Variants in ANK1 observed in about 807,000 individuals in gnomAD.
ANK1 encodes the protein ankyrin 1.
In ANK1, 51 loss-of-function variants were observed where a neutral mutation model predicts 210.4. The observed-to-expected ratio is 0.24, with a 90% CI of 0.19 to 0.31. The LOEUF (loss-of-function observed/expected upper bound fraction) is 0.31, where lower values mean the gene tolerates loss of function less well. ANK1 is among the 10% of genes least tolerant of loss of function. ANK1 has a pLI of 1.00. For synonymous variants in ANK1, 967 were observed against 1,025.9 expected, an observed-to-expected ratio of 0.94 and a Z score of 1.10; for missense variants, 2,051 against 2,504.4, an observed-to-expected ratio of 0.82 and a Z score of 3.86.
chr8:41,834,200 G>T (rs1005328630), intron 1 of ANK1, among the ~76,000 whole-genome samples: 13 of 152,228 alleles, frequency 8.5e-5, no homozygotes, highest in South Asian at 2.1e-4. Flanking sequence ...GGCTGTTCAG[G>T]AGGCTGTCCA....
intron 1 of ANK1, among the ~76,000 whole-genome samples, chr8:41,813,700 A>T (rs554360404): frequency 3.0e-4 from 46 of 152,360 alleles, no homozygotes; most frequent in Middle Eastern, 6.8e-3. Flanking sequence ...TATTAAGGTT[A>T]GGAAGCCAAG....
intron 23 of ANK1, 116 bp downstream of exon 23, chr8:41,699,336 C>T (rs146099681): frequency 5.8e-4 from 550 of 954,182 alleles, no homozygotes; most frequent in African/African-American, 3.8e-3. Context: ...TCTCTCTCTG[C>T]GGGCAGCGAG....
chr8:41,769,977 CTTTTTT>C (rs59542968), intron 1 of ANK1, among the ~76,000 whole-genome samples: 13 of 86,652 alleles, frequency 1.5e-4, no homozygotes, highest in Admixed American at 1.4e-3. Context: ...TTTCTTTTTT[CTTTTTT>C]TTTTTTTTTT....
rs76313699 is a variant in ANK1, at chr8:41,792,455, G to C, written c.27+5057C>G. On this transcript the variant is annotated intron_variant, in intron 1 of 42. Transcript: ENST00000289734. ...GCCAAAGCTCACGATCTGGGCAAGC[G>C]AAGGAGAAGCAGGAGCTCAGACTCA... 1.0e-3 allele frequency among the ~76,000 whole-genome samples: 152 copies of C among 152,344 alleles called. 1 individual carries two copies. In the East Asian group the frequency reaches 0.028, roughly 28 times the overall value.
chr8:41,765,324 A>G (rs1469681642), intron 1 of ANK1, among the ~76,000 whole-genome samples: 2 of 151,578 alleles, frequency 1.3e-5, no homozygotes, highest in East Asian at 3.9e-4. Flanking sequence ...CTGCAGCCTC[A>G]AAGTCCTGGG....
chr8:41,704,258 T>G lies in ANK1; in HGVS notation c.2196+116A>C, dbSNP rs1232871755. ...CATTAATGAAATGCATTTTCCCCCT[T>G]TCTTCCTTCAGGGTCCATGGTCAAA... On this transcript the variant is annotated intron_variant, in intron 19 of 42. Coordinates refer to ENST00000289734, the MANE Select transcript of ANK1 (RefSeq NM_000037.4). The surrounding 1 kb of genome is among the most constrained non-coding windows in gnomAD (Gnocchi z 4.1). 1.5e-6 allele frequency: 2 copies of G among 1,377,944 alleles called. No individual in the cohort carries two copies. Among genetic ancestry groups the G allele is most frequent in the African/African-American group, 1.4e-5 (1 of 70,138 alleles). 85.4% of individuals were successfully genotyped at this position (1,377,944 alleles called of 1,614,324 possible).
Position 41,733,958 on chromosome 8 carries a change from C to T in ANK1, c.228+13G>A. On this transcript the variant is annotated intron_variant, in intron 3 of 42. Coordinates refer to ENST00000289734, the MANE Select transcript of ANK1 (RefSeq NM_000037.4). The stretch of plus-strand genomic sequence containing the variant: ...TTTCAATGCAAAGCTCCCCCACTCC[C>T]TGTGAGACATACCTTGGTTGTCGTT... The T allele has an allele frequency of 1.2e-6, 2 of 1,612,804 alleles. No homozygotes were observed. Among genetic ancestry groups the T allele is most frequent in the Non-Finnish European group, 1.7e-6 (2 of 1,178,774 alleles).
At chr8:41,667,870 C>T (rs1030544223) in intron 39 of ANK1, among the ~76,000 whole-genome samples, 1 of 152,208 alleles carries the variant, frequency 6.6e-6, no homozygotes, top group Admixed American at 6.5e-5. Flanking sequence ...GGGCACGTCA[C>T]CCAGGTCACC....
At chr8:41,683,097 C>A (rs142481602) in intron 37 of ANK1, among the ~76,000 whole-genome samples, 1 of 152,004 alleles carries the variant, frequency 6.6e-6, no homozygotes, top group East Asian at 1.9e-4. Context: ...CACACATGCA[C>A]GCACACATGC....
intron 40 of ANK1, 70 bp downstream of exon 40, chr8:41,663,589 G>A (rs1809311485): frequency 1.4e-6 from 2 of 1,474,136 alleles, no homozygotes; most frequent in Admixed American, 1.7e-5. Context: ...GAAGCCACTG[G>A]CTTCTACCAC....
chr8:41,694,154 T>G lies in ANK1; in HGVS notation c.3328-52A>C, dbSNP rs1273383618. 1 of 1,569,138 alleles carries G rather than the reference T, an allele frequency of 6.4e-7. No individual in the cohort carries two copies. The highest frequency in any genetic ancestry group is 8.7e-7 in the Non-Finnish European group (1 of 1,148,884). On this transcript the variant is annotated intron_variant, in intron 28 of 42. Coordinates refer to ENST00000289734, the MANE Select transcript of ANK1 (RefSeq NM_000037.4). This position sits in a 1 kb window ranked among gnomAD's most constrained non-coding sequence, Gnocchi z 5.7. Reference sequence around the variant, plus strand: ...CAGGCCCAAGCAGGAGAGGGGCTAATCAGACGGGAGGCAGCTCCATGCCTG... The same window carrying G: ...CAGGCCCAAGCAGGAGAGGGGCTAAGCAGACGGGAGGCAGCTCCATGCCTG...
rs763458716 is a variant in ANK1, at chr8:41,698,032, G to A, written c.2637+11C>T. ...TCCATGTGGGGAAACCACAGAGAAG[G>A]AGCTTCTCACCTGCTCCTGCTCTTC... On this transcript the variant is annotated intron_variant, in intron 24 of 42. Transcript: ENST00000289734. 6 of 1,613,764 alleles carry A rather than the reference G, an allele frequency of 3.7e-6. No individual in the cohort carries two copies. The highest frequency in any genetic ancestry group is 5.1e-6 in the Non-Finnish European group (6 of 1,179,812).
At chr8:41,732,258 C>CA (rs1201187983) in intron 3 of ANK1, among the ~76,000 whole-genome samples, 1 of 151,754 alleles carries the variant, frequency 6.6e-6, no homozygotes, top group African/African-American at 2.4e-5. Flanking sequence ...GTGTGTGAGA[C>CA]CACGTGTAAT....
rs148681372 is a variant in ANK1, at chr8:41,666,170, C to T, written c.5394+2097G>A. ...AGCACGGATTAAAGTGCTCTCCCCACCCTTTCTCAAGGCTGCTGGGACAAT... is the reference window on the plus strand; with the variant it reads ...AGCACGGATTAAAGTGCTCTCCCCATCCTTTCTCAAGGCTGCTGGGACAAT... On this transcript the variant is annotated intron_variant, in intron 39 of 42. Transcript: ENST00000289734. Among the ~76,000 whole-genome samples the T allele has an allele frequency of 6.0e-4, 91 of 152,342 alleles. 1 individual carries two copies. In the East Asian group the frequency reaches 0.017, roughly 28 times the overall value.
chr8:41,695,910 G>A (rs530037596), intron 26 of ANK1, among the ~76,000 whole-genome samples: 27 of 152,182 alleles, frequency 1.8e-4, no homozygotes, highest in Non-Finnish European at 3.5e-4. Flanking sequence ...GGCCTCTGGA[G>A]CCGGGTACTT....
At chr8:41,786,579 C>T (rs1410734327) in intron 1 of ANK1, among the ~76,000 whole-genome samples, 1 of 152,194 alleles carries the variant, frequency 6.6e-6, no homozygotes, top group Non-Finnish European at 1.5e-5. Context: ...GAACAGTTAT[C>T]CTAATCCTGG....
intron 6 of ANK1, among the ~76,000 whole-genome samples, chr8:41,724,851 G>T (rs376494785): frequency 1.3e-5 from 2 of 152,130 alleles, no homozygotes; most frequent in African/African-American, 2.4e-5. Context: ...GTGTAATGGG[G>T]CTATGGTCTT....
chr8:41,763,885 TTTTC>T lies in ANK1; in HGVS notation c.28-5752_28-5749del, dbSNP rs1554605158. Among the ~76,000 whole-genome samples the T allele has an allele frequency of 2.5e-3, 277 of 109,730 alleles. 8 individuals carry two copies. The highest frequency in any genetic ancestry group is 3.3e-3 in the South Asian group (10 of 3,056). The allele number at this position is 109,730 out of a possible 152,430, so 72.0% of individuals were successfully genotyped here. On this transcript the variant is annotated intron_variant, in intron 1 of 42. Transcript: ENST00000289734. The stretch of plus-strand genomic sequence containing the variant: ...TTCTTTCTTCTTTCTTTTTTTCTTT[TTTTC>T]TTTTTTTTTTTTTTTTTTTTTTTTT...
At chr8:41,713,143 G>A (rs1826634965) in intron 16 of ANK1, among the ~76,000 whole-genome samples, 1 of 152,236 alleles carries the variant, frequency 6.6e-6, no homozygotes, top group Admixed American at 6.5e-5. Flanking sequence ...GGAGTCACAT[G>A]GGGTCCCACC....
Sources: allele counts gnomAD v4.1 joint callset (sites outside exome capture counted in the v4.1 genomes callset), GRCh38; gene constraint gnomAD v4.1.1; non-coding constraint Gnocchi (gnomAD v3.1); transcripts MANE v1.5; gene names NCBI Gene and HGNC (gene_info 2026-07-23, HGNC 2026-07-21).